BRCA1: variants seen among roughly 807,000 people sequenced by gnomAD.
The protein encoded by BRCA1 is breast cancer type 1 susceptibility protein.
In BRCA1, 140 loss-of-function variants were observed where a neutral mutation model predicts 173.7. That is an observed-to-expected ratio of 0.81 (90% CI 0.70 to 0.93). The LOEUF (loss-of-function observed/expected upper bound fraction) is 0.93, where lower values mean the gene tolerates loss of function less well. Ranked by LOEUF, BRCA1 falls within the 40% of genes least tolerant of loss-of-function variation. The probability of loss-of-function intolerance (pLI) is 0.00; values close to 1 mark genes in which losing one functional copy is unlikely to be tolerated. For missense variants in BRCA1, 1,983 were observed against 2,172.5 expected (o/e 0.91, Z 1.73); for synonymous variants, 662 against 756.0 (o/e 0.88, Z 2.04).
rs3092994 is a variant in BRCA1, at chr17:43,063,808, C to T, written c.5152+66G>A. 441,627 of 1,326,596 alleles carry T rather than the reference C, an allele frequency of 0.33. 76,364 individuals carry two copies. Among genetic ancestry groups the T allele is most frequent in the South Asian group, 0.5 (41,721 of 83,726 alleles). 82.2% of individuals were successfully genotyped at this position (1,326,596 alleles called of 1,614,324 possible). On this transcript the variant is annotated intron_variant, in intron 17 of 22. Transcript: ENST00000357654. ...ATCAGCAAAAACCTTAGGTGTTAAACGTTAGGTGTAAAAATGCAATTCTGA... is the reference window on the plus strand; with the variant it reads ...ATCAGCAAAAACCTTAGGTGTTAAATGTTAGGTGTAAAAATGCAATTCTGA...
At chr17:43,057,171 G>A (rs765826347) in intron 18 of BRCA1, 36 bp from the exon 19 acceptor site, 1 of 1,598,972 alleles carries the variant, frequency 6.3e-7, no homozygotes. Flanking sequence ...CAGGATAAGA[G>A]AAAGAGAAGC....
At chr17:43,166,134 C>CTGTGTGTGTG (rs56168313) in intron 1 of BRCA1, 1 of 148,316 alleles carries the variant, frequency 6.7e-6, no homozygotes, top group African/African-American at 2.5e-5. Flanking sequence ...TCCTCTCTCT[C>CTGTGTGTGTG]TGTGTGTGTG....
chr17:43,145,618 G>T (rs1167660507), intron 1 of BRCA1, among the ~76,000 whole-genome samples: 1 of 152,122 alleles, frequency 6.6e-6, no homozygotes, highest in Non-Finnish European at 1.5e-5. Context: ...GAGCCACTGC[G>T]CCCGGCCTCC....
rs386833394 is a variant in BRCA1, at chr17:43,091,569, G to A, written c.3962C>T (p.Ser1321Phe). 6.2e-7 allele frequency: 1 copy of A among 1,614,134 alleles called. No individual in the cohort carries two copies. Among genetic ancestry groups the A allele is most frequent in the South Asian group, 1.1e-5 (1 of 91,086 alleles). Residue 1321 changes from serine (S) to phenylalanine (F), a missense_variant, in exon 10 of 23, where the codon TCC becomes TTC. By Grantham distance (155) the Ser-to-Phe change is radical. Transcript: ENST00000357654. The stretch of plus-strand genomic sequence containing the variant: ...TTCAGACTGATGCCTCATTTGTTTG[G>A]AAGAACCAATCAAGAAAGGATCCTG... ...NTQDPFLIGSSKQMRHQSESQ... is the reference protein window; with the variant it reads ...NTQDPFLIGSFKQMRHQSESQ...
intron 22 of BRCA1, among the ~76,000 whole-genome samples, chr17:43,047,303 T>G (rs2050955097): frequency 6.6e-6 from 1 of 152,036 alleles, no homozygotes; most frequent in Non-Finnish European, 1.5e-5. Flanking sequence ...TCTCCTTATG[T>G]TGCCCAGGCT....
At chr17:43,055,469 A>G in intron 19 of BRCA1, among the ~76,000 whole-genome samples, 1 of 151,770 alleles carries the variant, frequency 6.6e-6, no homozygotes, top group East Asian at 1.9e-4. Flanking sequence ...CCAACATGGC[A>G]AAACCCCATC....
chr17:43,064,417 C>T (rs371502197), intron 16 of BRCA1, among the ~76,000 whole-genome samples: 2 of 152,258 alleles, frequency 1.3e-5, no homozygotes, highest in African/African-American at 4.8e-5. Context: ...GAATGTCTAC[C>T]TGGGGAGTCC....
chr17:43,128,145 C>T (rs930476943), upstream of BRCA1, among the ~76,000 whole-genome samples: 14 of 151,596 alleles, frequency 9.2e-5, no homozygotes, highest in African/African-American at 3.4e-4. Context: ...AATCTTGCTG[C>T]TGCTCACTCT....
At chr17:43,050,954 G>C (rs1337755822) in intron 20 of BRCA1, 109 bp downstream of exon 20, 1 of 1,111,514 alleles carries the variant, frequency 9.0e-7, no homozygotes, top group Non-Finnish European at 1.4e-6. Flanking sequence ...ATAGCCTCTA[G>C]AACATTTCAG....
At position 43,097,234 on chromosome 17, in the gene BRCA1, T is replaced by C. The variant is rs80358187; in HGVS notation, c.593+10A>G. ...ACCAGCTTCATAGACAAAGGTTCTC[T>C]TTGACTCACCTGCAATAAGTTGCCT... On this transcript the variant is annotated intron_variant, in intron 8 of 22. Coordinates refer to ENST00000357654, the MANE Select transcript of BRCA1 (RefSeq NM_007294.4). The C allele has an allele frequency of 6.2e-7, 1 of 1,613,086 alleles. No individual in the cohort carries two copies. Among genetic ancestry groups the C allele is most frequent in the Non-Finnish European group, 8.5e-7 (1 of 1,179,238 alleles).
intron 18 of BRCA1, among the ~76,000 whole-genome samples, chr17:43,061,525 A>C (rs1337170101): frequency 6.6e-6 from 1 of 152,160 alleles, no homozygotes; most frequent in African/African-American, 2.4e-5. Flanking sequence ...AAAACCAACA[A>C]AAATAATCAT....
At chr17:43,107,621 C>A (rs1250774877) in intron 3 of BRCA1, among the ~76,000 whole-genome samples, 1 of 152,126 alleles carries the variant, frequency 6.6e-6, no homozygotes, top group Non-Finnish European at 1.5e-5. Context: ...TCTGCCTTGG[C>A]CTTCCAGAGT....
At chr17:43,096,524 A>G (rs1453465822) in intron 8 of BRCA1, among the ~76,000 whole-genome samples, 2 of 149,790 alleles carry the variant, frequency 1.3e-5, no homozygotes, top group African/African-American at 4.9e-5. Flanking sequence ...GTGAGCCGAG[A>G]TGGCGCCACT....
intron 2 of BRCA1, among the ~76,000 whole-genome samples, chr17:43,122,997 C>T (rs746215605): frequency 1.3e-5 from 2 of 151,658 alleles, no homozygotes; most frequent in Non-Finnish European, 2.9e-5. Context: ...GCAGAGTTTG[C>T]AGTGAGCTGA....
At chr17:43,134,545 G>C (rs2055999915) in intron 1 of BRCA1, among the ~76,000 whole-genome samples, 1 of 152,160 alleles carries the variant, frequency 6.6e-6, no homozygotes, top group African/African-American at 2.4e-5. Context: ...TGTGGCAGTT[G>C]TGACCAGATA....
At chr17:43,157,707 T>C (rs2056206251) in intron 1 of BRCA1, among the ~76,000 whole-genome samples, 1 of 123,366 alleles carries the variant, frequency 8.1e-6, no homozygotes, top group Non-Finnish European at 1.7e-5. Context: ...AAAATAAAAA[T>C]TAAAAAAATC....
At chr17:43,079,529 A>C (rs1183482222) in intron 12 of BRCA1, 12 of 1,037,970 alleles carry the variant, frequency 1.2e-5, no homozygotes, top group Admixed American at 3.4e-5. Flanking sequence ...GCATCGCTGT[A>C]AACAAGTTAA....
chr17:43,099,588 AAAGT>A (rs1364449085), intron 7 of BRCA1, among the ~76,000 whole-genome samples, 183 bp downstream of exon 7: 1 of 152,008 alleles, frequency 6.6e-6, no homozygotes. Flanking sequence ...CTCCCTTTTT[AAAGT>A]AAGATTCTTC....
At chr17:43,103,740 A>G (rs945869582) in intron 6 of BRCA1, among the ~76,000 whole-genome samples, 1 of 152,082 alleles carries the variant, frequency 6.6e-6, no homozygotes, top group African/African-American at 2.4e-5. Flanking sequence ...TTTTATATAA[A>G]TCTATGAGCA....
Sources: allele counts gnomAD v4.1 joint callset (sites outside exome capture counted in the v4.1 genomes callset), GRCh38; gene constraint gnomAD v4.1.1; transcripts MANE v1.5; gene names NCBI Gene and HGNC (gene_info 2026-07-23, HGNC 2026-07-21).